The following CCDC38 variants were observed in gnomAD, a reference collection of about 807,000 sequenced individuals.
CCDC38 encodes the protein coiled-coil domain containing 38.
In CCDC38, 69 loss-of-function variants were observed where a neutral mutation model predicts 72.8. That is an observed-to-expected ratio of 0.95 (90% CI 0.78 to 1.16). CCDC38 has a LOEUF of 1.16. Ranked by LOEUF, CCDC38 falls within the 50% of genes most tolerant of loss-of-function variation. CCDC38 has a pLI of 0.00. For missense variants in CCDC38, 626 were observed against 638.9 expected (o/e 0.98, Z 0.22); for synonymous variants, 201 against 213.2 (o/e 0.94, Z 0.50).
chr12:95,925,780 C>T (rs7296116), intron 2 of CCDC38, among the ~76,000 whole-genome samples: 1 of 151,746 alleles, frequency 6.6e-6, no homozygotes, highest in East Asian at 1.9e-4. Context: ...AAGGTCTTTT[C>T]TGCATCTATT....
chr12:95,893,441 CCCTT>C (rs1176904801), intron 8 of CCDC38, among the ~76,000 whole-genome samples: 42 of 72,044 alleles, frequency 5.8e-4, no homozygotes, highest in African/African-American at 1.9e-3. Context: ...CTCCCTCCCT[CCCTT>C]CCTTCCTTCT....
At chr12:95,890,198 C>T (rs2079809003) in intron 9 of CCDC38, among the ~76,000 whole-genome samples, 1 of 152,218 alleles carries the variant, frequency 6.6e-6, no homozygotes, top group South Asian at 2.1e-4. Context: ...AGGTGTGAGC[C>T]ACCATGCCTG....
At chr12:95,875,312 T>G (rs966004046) in intron 13 of CCDC38, among the ~76,000 whole-genome samples, 1 of 152,120 alleles carries the variant, frequency 6.6e-6, no homozygotes, top group Non-Finnish European at 1.5e-5. Context: ...TTGAGAAAAT[T>G]TCTTGAGAGG....
chr12:95,936,617 T>C (rs1474617910), intron 1 of CCDC38, 94 bp from the exon 2 acceptor site: 4 of 942,188 alleles, frequency 4.2e-6, no homozygotes, highest in Non-Finnish European at 6.5e-6. Context: ...TAACAGTCCT[T>C]ATGGCTTTTA....
At chr12:95,936,025 C>T (rs1263774582) in intron 2 of CCDC38, among the ~76,000 whole-genome samples, 2 of 151,960 alleles carry the variant, frequency 1.3e-5, no homozygotes, top group Non-Finnish European at 2.9e-5. Flanking sequence ...TTGCAGTGAA[C>T]CAAGATTGCG....
In CCDC38 at chr12:95,942,177, A is replaced by G. The variant is rs1221605676; in HGVS notation, c.-15+254T>C. ...CTTTCCTATCTTTGTATGTTCCACA[A>G]GACTTAACACAGAGCTTGTGATAAA... is the stretch of plus-strand genomic sequence containing the variant. On this transcript the variant is annotated intron_variant, in intron 1 of 15. Coordinates refer to ENST00000344280, the MANE Select transcript of CCDC38 (RefSeq NM_182496.3). 1.4e-4 allele frequency among the ~76,000 whole-genome samples: 22 copies of G among 152,200 alleles called. 1 individual carries two copies. Among genetic ancestry groups the G allele is most frequent in the Non-Finnish European group, 8.8e-5 (6 of 68,050 alleles).
At chr12:95,880,905 GAGATCTA>G (rs2079692808) in intron 11 of CCDC38, among the ~76,000 whole-genome samples, 1 of 152,166 alleles carries the variant, frequency 6.6e-6, no homozygotes, top group Non-Finnish European at 1.5e-5. Context: ...GAAAGTTCTA[GAGATCTA>G]TTGCTTACAG....
chr12:95,881,467 C>A lies in CCDC38; in HGVS notation c.990+18G>T, dbSNP rs1565944475. On this transcript the variant is annotated intron_variant, in intron 11 of 15. Transcript: ENST00000344280. Reference sequence around the variant, plus strand: ...TCACCAAACCCAATATTTAAACTAGCAAATATAATCTGGTTACCAAATCAA... The same window carrying A: ...TCACCAAACCCAATATTTAAACTAGAAAATATAATCTGGTTACCAAATCAA... 3 of 1,581,402 alleles carry A rather than the reference C, an allele frequency of 1.9e-6. No homozygotes were observed. The highest frequency in any genetic ancestry group is 1.7e-6 in the Non-Finnish European group (2 of 1,156,918).
chr12:95,893,306 T>TCCTTCCTTTTC (rs1467179278), intron 8 of CCDC38, among the ~76,000 whole-genome samples: 2 of 151,846 alleles, frequency 1.3e-5, no homozygotes, highest in Non-Finnish European at 2.9e-5. Context: ...CTTCCTTCTT[T>TCCTTCCTTTTC]CCTTCCTTTT....
chr12:95,878,118 C>T (rs2079655025), intron 13 of CCDC38, 93 bp downstream of exon 13: 1 of 1,418,504 alleles, frequency 7.0e-7, no homozygotes, highest in African/African-American at 1.4e-5. Flanking sequence ...TTGTGATTTG[C>T]TTTAACTCTC....
intron 4 of CCDC38, among the ~76,000 whole-genome samples, chr12:95,909,127 A>G (rs2080063169): frequency 6.6e-6 from 1 of 152,208 alleles, no homozygotes; most frequent in South Asian, 2.1e-4. Context: ...GTTCTTTGAA[A>G]GAAAAACAAG....
At chr12:95,902,282 A>C (rs2079958241) in intron 5 of CCDC38, among the ~76,000 whole-genome samples, 1 of 152,204 alleles carries the variant, frequency 6.6e-6, no homozygotes, top group Admixed American at 6.5e-5. Context: ...ACATATGTAT[A>C]TACTTGGGAA....
At chr12:95,923,699 C>A (rs865873365) in intron 2 of CCDC38, among the ~76,000 whole-genome samples, 27 of 152,234 alleles carry the variant, frequency 1.8e-4, no homozygotes, top group African/African-American at 5.1e-4. Context: ...CCACTCCCCC[C>A]ACTCCACAAC....
At chr12:95,921,229 T>C (rs1357650188) in intron 2 of CCDC38, among the ~76,000 whole-genome samples, 1 of 152,216 alleles carries the variant, frequency 6.6e-6, no homozygotes, top group Non-Finnish European at 1.5e-5. Context: ...AAAAAAACTT[T>C]CTCTCTCTTT....
At chr12:95,868,637 A>G (rs1004662601) in intron 15 of CCDC38, among the ~76,000 whole-genome samples, 3 of 152,224 alleles carry the variant, frequency 2.0e-5, no homozygotes, top group Non-Finnish European at 2.9e-5. Flanking sequence ...CACTGTGGTA[A>G]GAATCAGCAT....
intron 7 of CCDC38, among the ~76,000 whole-genome samples, chr12:95,895,619 G>A (rs1299912543): frequency 6.6e-6 from 1 of 151,988 alleles, no homozygotes; most frequent in African/African-American, 2.4e-5. Context: ...CAGGTATGGT[G>A]GTGGGCGCCT....
chr12:95,896,008 A>G (rs914409894), intron 7 of CCDC38, among the ~76,000 whole-genome samples: 1 of 149,088 alleles, frequency 6.7e-6, no homozygotes, highest in Non-Finnish European at 1.5e-5. Flanking sequence ...GTGAGCTGAG[A>G]TCACGTCACT....
chr12:95,872,256 T>C lies in CCDC38; in HGVS notation c.1483A>G (p.Lys495Glu). 6.2e-7 allele frequency: 1 copy of C among 1,614,110 alleles called. No homozygotes were observed. The highest frequency in any genetic ancestry group is 8.5e-7 in the Non-Finnish European group (1 of 1,179,958). The change falls in exon 14 of 16, where the codon AAG (lysine) becomes GAG (glutamate). Residue 495 changes from lysine to glutamate, a missense_variant and splice_region_variant. Physicochemically the swap from Lys to Glu is moderately conservative, Grantham distance 56 (BLOSUM62 1). Coordinates refer to ENST00000344280, the MANE Select transcript of CCDC38 (RefSeq NM_182496.3). ...CATTCTTATCCTTATTGACTGTACT[T>C]TTGCCGCCATTCTTTCTGTTTCATC... ...ERMKQKEWRQ[K>E]FRDEKMKEKQ...
At chr12:95,893,482 C>CTCTT (rs113259819) in intron 8 of CCDC38, among the ~76,000 whole-genome samples, 35,842 of 129,292 alleles carry the variant, frequency 0.28, 5,019 homozygotes, top group East Asian at 0.47. Context: ...CTCTCTCTCT[C>CTCTT]TCTTTCTTTC....
Sources: allele counts gnomAD v4.1 joint callset (sites outside exome capture counted in the v4.1 genomes callset), GRCh38; gene constraint gnomAD v4.1.1; transcripts MANE v1.5; gene names NCBI Gene and HGNC (gene_info 2026-07-23, HGNC 2026-07-21).